The following AOPEP variants were observed in gnomAD, a reference collection of about 807,000 sequenced individuals.
AOPEP encodes the protein aminopeptidase O (putative).
In AOPEP, 77 loss-of-function variants were observed where a neutral mutation model predicts 98.1. The observed-to-expected ratio is 0.78, with a 90% CI of 0.65 to 0.95. AOPEP has a LOEUF of 0.95. Among genes scored for constraint, AOPEP ranks in the 40% least tolerant of loss-of-function variants. The pLI, the probability that AOPEP is intolerant of heterozygous loss-of-function variation, is 0.00. For synonymous variants in AOPEP, 346 were observed against 365.3 expected (o/e 0.95, Z 0.60); for missense variants, 1,024 against 1,024.7 (o/e 1.00, Z 0.01).
intron 5 of AOPEP, among the ~76,000 whole-genome samples, chr9:94,876,905 C>A (rs2047013975): frequency 6.6e-6 from 1 of 152,132 alleles, no homozygotes; most frequent in African/African-American, 2.4e-5. Context: ...GACATCTACC[C>A]ATCTGAACCC....
chr9:94,745,984 C>T (rs532138863), intron 1 of AOPEP, among the ~76,000 whole-genome samples: 2 of 152,328 alleles, frequency 1.3e-5, no homozygotes, highest in East Asian at 3.9e-4. Context: ...ACATTCCCAC[C>T]AACAATGTAC....
chr9:95,001,367 G>A (rs766627592), intron 11 of AOPEP, among the ~76,000 whole-genome samples: 26 of 152,204 alleles, frequency 1.7e-4, no homozygotes, highest in Non-Finnish European at 3.2e-4. Context: ...CAAAACATGC[G>A]TATCTACTGG....
intron 5 of AOPEP, among the ~76,000 whole-genome samples, chr9:94,890,496 GTT>G: frequency 2.0e-5 from 3 of 152,252 alleles, no homozygotes; most frequent in Admixed American, 2.0e-4. Flanking sequence ...AGTTTTGAGA[GTT>G]TTCATTTTCA....
At chr9:94,945,294 G>T (rs943993595) in intron 7 of AOPEP, among the ~76,000 whole-genome samples, 8 of 151,168 alleles carry the variant, frequency 5.3e-5, no homozygotes, top group Non-Finnish European at 1.0e-4. Flanking sequence ...TGAATTATTT[G>T]TTTTTTTTTA....
chr9:94,821,970 AACAC>A (rs34645632), intron 5 of AOPEP, among the ~76,000 whole-genome samples: 2,331 of 141,420 alleles, frequency 0.016, 56 homozygotes, highest in African/African-American at 0.05. Context: ...TGTGTGTGTA[AACAC>A]ACACACACAC....
Position 94,813,347 on chromosome 9 carries a change from T to A in AOPEP, c.1364+12345T>A, listed in dbSNP as rs74371403. The stretch of plus-strand genomic sequence containing the variant: ...TGAGTAAACCTGACAGTGTCTGGTT[T>A]GATGAAGGTCCACCTCTGACCTTCA... On this transcript the variant is annotated intron_variant, in intron 5 of 16. Transcript: ENST00000375315. Among the ~76,000 whole-genome samples the A allele has an allele frequency of 8.7e-3, 1,325 of 152,282 alleles. 24 individuals are homozygous for A. The highest frequency in any genetic ancestry group is 0.03 in the African/African-American group (1,251 of 41,528).
At chr9:94,833,785 C>T (rs943089869) in intron 5 of AOPEP, among the ~76,000 whole-genome samples, 3 of 152,124 alleles carry the variant, frequency 2.0e-5, no homozygotes, top group African/African-American at 7.2e-5. Context: ...AATAAAGAGA[C>T]TCAGGCATTT....
chr9:94,928,886 A>T (rs2054820863), intron 7 of AOPEP: 1 of 197,072 alleles, frequency 5.1e-6, no homozygotes. Flanking sequence ...AGGGGAAAAA[A>T]ATCTTTAGGA....
At chr9:95,149,772 C>T in the AOPEP span, 1 of 927,410 alleles carries the variant, frequency 1.1e-6, no homozygotes, top group Non-Finnish European at 1.7e-6. Context: ...AGCCACCACA[C>T]CTGGCCGGGA....
At chr9:95,135,200 CA>C in the AOPEP span, 4 of 840,770 alleles carry the variant, frequency 4.8e-6, no homozygotes, top group Admixed American at 2.1e-5. Flanking sequence ...TTAGTGATTT[CA>C]AAAATAAAAT....
the AOPEP span, among the ~76,000 whole-genome samples, chr9:95,098,066 TC>T: frequency 6.6e-6 from 1 of 152,070 alleles, no homozygotes; most frequent in Non-Finnish European, 1.5e-5. Flanking sequence ...TTTCTCTTCT[TC>T]CTTGGAAAGC....
At chr9:94,928,167 G>T (rs2054658773) in intron 6 of AOPEP, among the ~76,000 whole-genome samples, 2 of 152,196 alleles carry the variant, frequency 1.3e-5, no homozygotes, top group South Asian at 4.1e-4. Context: ...TCGGTGGGAT[G>T]GGTGGGTTCC....
the AOPEP span, among the ~76,000 whole-genome samples, chr9:95,111,810 C>CA: frequency 6.6e-6 from 1 of 152,246 alleles, no homozygotes; most frequent in Admixed American, 6.5e-5. Flanking sequence ...CGCCACTCTG[C>CA]ACCATCACAG....
chr9:94,745,536 A>G (rs1398457899), intron 1 of AOPEP, among the ~76,000 whole-genome samples: 4 of 152,076 alleles, frequency 2.6e-5, no homozygotes, highest in African/African-American at 4.8e-5. Flanking sequence ...CAGCCTCCCA[A>G]AGTGCTGGGA....
chr9:95,082,161 G>A (rs565357710), intron 15 of AOPEP, among the ~76,000 whole-genome samples: 2 of 152,124 alleles, frequency 1.3e-5, no homozygotes, highest in Admixed American at 6.5e-5. Context: ...GATGAGCTCA[G>A]ACCAGCTACT....
At chr9:94,970,893 A>G (rs894114751) in intron 10 of AOPEP, among the ~76,000 whole-genome samples, 5 of 152,160 alleles carry the variant, frequency 3.3e-5, no homozygotes, top group African/African-American at 1.2e-4. Flanking sequence ...AGAAAAAAAG[A>G]AAATTAATAG....
chr9:95,068,155 G>A (rs969065449), intron 14 of AOPEP, among the ~76,000 whole-genome samples: 7 of 152,204 alleles, frequency 4.6e-5, no homozygotes, highest in African/African-American at 1.7e-4. Flanking sequence ...ATGTGTGTAC[G>A]GTTTTGTGTG....
At chr9:94,860,828 G>C (rs928947494) in intron 5 of AOPEP, among the ~76,000 whole-genome samples, 13 of 152,136 alleles carry the variant, frequency 8.5e-5, no homozygotes, top group African/African-American at 2.9e-4. Flanking sequence ...CTGACACAGA[G>C]CACACCATAA....
Position 94,946,037 on chromosome 9 carries a change from G to A in AOPEP, c.1662-9140G>A, listed in dbSNP as rs538564005. On this transcript the variant is annotated intron_variant, in intron 7 of 16. Transcript: ENST00000375315. The stretch of plus-strand genomic sequence containing the variant: ...TCAGCACATTGCACAGCTCTACCCC[G>A]CCCCAAACAGAACACTGTGAAAAGT... Among the ~76,000 whole-genome samples, 41 of 152,116 alleles carry A rather than the reference G, an allele frequency of 2.7e-4. No individual in the cohort carries two copies. In the South Asian group the frequency reaches 7.7e-3, roughly 29 times the overall value.
Sources: gnomAD v4.1 joint callset for allele counts (sites outside exome capture counted in the v4.1 genomes callset) on GRCh38, gnomAD v4.1.1 for gene constraint, MANE v1.5 for transcripts, NCBI Gene and HGNC (gene_info 2026-07-23, HGNC 2026-07-21) for gene names.